The following CRLF2 variants were observed in gnomAD, a reference collection of about 807,000 sequenced individuals.
CRLF2 encodes cytokine receptor-like factor 2.
Under a neutral mutation model 38.7 loss-of-function variants are expected in CRLF2, and 41 were observed. The observed-to-expected ratio is 1.06, with a 90% confidence interval of 0.83 to 1.37. CRLF2 has a LOEUF of 1.37. CRLF2 is among the 40% of genes most tolerant of loss of function. CRLF2 has a pLI of 0.00. For synonymous variants in CRLF2, 140 were observed against 128.8 expected (o/e 1.09, Z -0.59); for missense variants, 377 against 322.2 (o/e 1.17, Z -1.30).
At chrX:1,196,680 C>T (rs2086481313) in intron 6 of CRLF2, 100 bp downstream of exon 6, 3 of 1,441,240 alleles carry the variant, frequency 2.1e-6, no homozygotes, top group Non-Finnish European at 2.8e-6. Context: ...AAACTGAGGC[C>T]CAGGGAAATG....
At position 1,209,432 on chromosome X, in the gene CRLF2, C is replaced by T. The variant is rs369912954; in HGVS notation, c.80-524G>A. Among the ~76,000 whole-genome samples the T allele has an allele frequency of 2.0e-5, 3 of 149,658 alleles. No individual in the cohort carries two copies. In the East Asian group the frequency reaches 6.0e-4, roughly 30 times the overall value. ...CTGCAAGCTCCGCCTCCCGGGTTCACGCCATTCTCCTGCCTCAGCCTCCCG... is the reference window on the plus strand; with the variant it reads ...CTGCAAGCTCCGCCTCCCGGGTTCATGCCATTCTCCTGCCTCAGCCTCCCG... On this transcript the variant is annotated intron_variant, in intron 1 of 7. Coordinates refer to ENST00000400841, the MANE Select transcript of CRLF2 (RefSeq NM_022148.4).
At chrX:1,194,165 G>C (rs1429956737) in intron 6 of CRLF2, among the ~76,000 whole-genome samples, 1 of 147,652 alleles carries the variant, frequency 6.8e-6, no homozygotes. Context: ...TGGCGTCTGC[G>C]TGTAGTCCCA....
At chrX:1,198,911 G>T in intron 4 of CRLF2, 187 bp from the exon 5 acceptor site, 2 of 635,874 alleles carry the variant, frequency 3.1e-6, no homozygotes, top group Non-Finnish European at 5.5e-6. Context: ...CGCTTTGGGA[G>T]GCTGAGGCGG....
intron 4 of CRLF2, among the ~76,000 whole-genome samples, chrX:1,201,133 G>A (rs1300307075): frequency 6.6e-6 from 1 of 152,104 alleles, no homozygotes; most frequent in Non-Finnish European, 1.5e-5. Flanking sequence ...ACATAGAGAA[G>A]GTACAGGAAA....
At chrX:1,197,169 T>G (rs754559705) in intron 5 of CRLF2, among the ~76,000 whole-genome samples, 2 of 148,190 alleles carry the variant, frequency 1.3e-5, no homozygotes, top group African/African-American at 5.0e-5. Flanking sequence ...CTCAGCTCAC[T>G]GCAACCTCCG....
chrX:1,212,245 A>G (rs2086815799), intron 1 of CRLF2, among the ~76,000 whole-genome samples: 1 of 151,922 alleles, frequency 6.6e-6, no homozygotes, highest in African/African-American at 2.4e-5. Context: ...CAATCAATCA[A>G]TAGATAGACA....
intron 7 of CRLF2, 81 bp downstream of exon 7, chrX:1,193,137 C>A (rs1218868858): frequency 5.0e-6 from 2 of 397,228 alleles, no homozygotes; most frequent in East Asian, 7.1e-5. Flanking sequence ...CTAAAAAGGT[C>A]GCGCTCAGAG....
At chrX:1,209,093 G>A (rs1222007498) in intron 1 of CRLF2, among the ~76,000 whole-genome samples, 185 bp from the exon 2 acceptor site, 1 of 151,168 alleles carries the variant, frequency 6.6e-6, no homozygotes, top group Non-Finnish European at 1.5e-5. Flanking sequence ...TCAGCCTCCC[G>A]AGTAGCCGGG....
intron 5 of CRLF2, among the ~76,000 whole-genome samples, chrX:1,197,689 C>G (rs1465327151): frequency 6.6e-6 from 1 of 151,902 alleles, no homozygotes; most frequent in South Asian, 2.1e-4. Context: ...TGGTGCGTGC[C>G]TGTAGTCCCA....
In CRLF2 at chrX:1,190,577, T is replaced by C. The variant is rs1470748916; in HGVS notation, c.*320A>G. 2.5e-4 allele frequency: 85 copies of C among 336,146 alleles called. No homozygotes were observed. The East Asian group carries it at 3.7e-3, about 15-fold the overall frequency. 20.8% of individuals were successfully genotyped at this position (336,146 alleles called of 1,614,324 possible). ...ACTGGGGACTCACAGAGTGGGAAGA[T>C]GGTTTTACAGCATTTTGGACGTGCT... On this transcript the variant is annotated 3_prime_UTR_variant, in exon 8 of 8. Transcript: ENST00000400841.
chrX:1,207,001 A>G (rs9785522), intron 2 of CRLF2, among the ~76,000 whole-genome samples: 27,755 of 140,306 alleles, frequency 0.2, 2,848 homozygotes, highest in Admixed American at 0.29. Flanking sequence ...GCTGGAGTGC[A>G]GTGGCACGAT....
Position 1,192,192 on chromosome X carries a change from G to C in CRLF2, c.852+1026C>G, listed in dbSNP as rs1357383412. Among the ~76,000 whole-genome samples the C allele has an allele frequency of 1.2e-4, 14 of 118,218 alleles. No individual in the cohort carries two copies. The South Asian group carries it at 1.5e-3, about 13-fold the overall frequency. 77.6% of individuals were successfully genotyped at this position (118,218 alleles called of 152,430 possible). ...TGCACTCCAGCCTGGGCGACAGAGC[G>C]AGACTCCGTCTCAAAAAAAAAAAAA... On this transcript the variant is annotated intron_variant, in intron 7 of 7. Coordinates refer to ENST00000400841, the MANE Select transcript of CRLF2 (RefSeq NM_022148.4).
At position 1,206,552 on chromosome X, in the gene CRLF2, T is replaced by C; in HGVS notation, c.230A>G (p.Gln77Arg). Residue 77 changes from glutamine to arginine, a missense_variant, in exon 3 of 8, where the codon CAG becomes CGG. Coordinates refer to ENST00000400841, the MANE Select transcript of CRLF2 (RefSeq NM_022148.4). ...GAGGCACCCCGAAGTGTGACCTTCC[T>C]GGAGAAGGTAGTTGGTGCACTGGTC... is the stretch of plus-strand genomic sequence containing the variant. ...AYDQCTNYLL[Q>R]EGHTSGCLLD... The C allele has an allele frequency of 6.2e-7, 1 of 1,612,946 alleles. No individual in the cohort carries two copies. The highest frequency in any genetic ancestry group is 8.5e-7 in the Non-Finnish European group (1 of 1,178,952).
At chrX:1,205,701 G>A (rs757671919) in intron 3 of CRLF2, among the ~76,000 whole-genome samples, 1 of 150,590 alleles carries the variant, frequency 6.6e-6, no homozygotes, top group Non-Finnish European at 1.5e-5. Flanking sequence ...AATAGTTACG[G>A]GAATCTGATC....
At chrX:1,192,752 C>CTT (rs1229408871) in intron 7 of CRLF2, among the ~76,000 whole-genome samples, 2 of 118,222 alleles carry the variant, frequency 1.7e-5, no homozygotes, top group Non-Finnish European at 1.8e-5. Context: ...TTCTTTCTTT[C>CTT]TTTCTTTCTT....
In CRLF2 at chrX:1,201,403, T is replaced by A. The variant is rs373950237; in HGVS notation, c.483+999A>T. 4.7e-5 allele frequency among the ~76,000 whole-genome samples: 7 copies of A among 149,492 alleles called. No homozygotes were observed. In the East Asian group the frequency reaches 7.9e-4, roughly 17 times the overall value. ...ATACAGGTAGAGATAGGACTAGAGG[T>A]AGACAGATAAAGAAATGATAGATAC... On this transcript the variant is annotated intron_variant, in intron 4 of 7. Coordinates refer to ENST00000400841, the MANE Select transcript of CRLF2 (RefSeq NM_022148.4).
intron 5 of CRLF2, among the ~76,000 whole-genome samples, 196 bp from the exon 6 acceptor site, chrX:1,197,096 T>TTTTTG (rs1408769152): frequency 6.8e-6 from 1 of 146,032 alleles, no homozygotes; most frequent in African/African-American, 2.6e-5. Context: ...TCTTTTACTT[T>TTTTTG]TTTTTTTTTT....
At position 1,200,704 on chromosome X, in the gene CRLF2, A is replaced by G. The variant is rs2086589585; in HGVS notation, c.483+1698T>C. ...TGTGTGTGTGTGTATATGTGTGTGT[A>G]TATAAGATGTGTATATACGTGTGTA... On this transcript the variant is annotated intron_variant, in intron 4 of 7. Coordinates refer to ENST00000400841, the MANE Select transcript of CRLF2 (RefSeq NM_022148.4). Among the ~76,000 whole-genome samples, 3 of 45,934 alleles carry G rather than the reference A, an allele frequency of 6.5e-5. 1 individual carries two copies. Among genetic ancestry groups the G allele is most frequent in the Non-Finnish European group, 1.5e-4 (3 of 20,508 alleles). 30.1% of individuals were successfully genotyped at this position (45,934 alleles called of 152,430 possible).
At chrX:1,193,781 CAAAAAAAA>C (rs1176813644) in intron 6 of CRLF2, among the ~76,000 whole-genome samples, 5 of 58,972 alleles carry the variant, frequency 8.5e-5, no homozygotes, top group South Asian at 8.1e-4. Context: ...GACTCCATCT[CAAAAAAAA>C]AAAAAAAAAA....
Sources: allele counts gnomAD v4.1 joint callset (sites outside exome capture counted in the v4.1 genomes callset), GRCh38; gene constraint gnomAD v4.1.1; transcripts MANE v1.5; gene names NCBI Gene and HGNC (gene_info 2026-07-23, HGNC 2026-07-21).